CEP170B: variants seen among roughly 807,000 people sequenced by gnomAD.
CEP170B encodes centrosomal protein 170B.
A neutral mutation model predicts 120.6 loss-of-function variants in CEP170B; 55 were observed. The observed-to-expected ratio is 0.46, with a 90% CI of 0.37 to 0.57. CEP170B has a LOEUF of 0.57. Among genes scored for constraint, CEP170B ranks in the 20% least tolerant of loss-of-function variants. CEP170B has a pLI of 0.00. For synonymous variants in CEP170B, 1,033 were observed against 954.5 expected (o/e 1.08, Z -1.52); for missense variants, 2,212 against 2,253.3 (o/e 0.98, Z 0.37).
chr14:104,893,170 A>C (rs1434472498), intron 14 of CEP170B, 35 bp downstream of exon 14: 1 of 1,592,384 alleles, frequency 6.3e-7, no homozygotes, highest in South Asian at 1.1e-5. Flanking sequence ...CCTGTGCCAG[A>C]GCCACCCTCG....
intron 6 of CEP170B, 150 bp downstream of exon 6, chr14:104,880,575 C>G: frequency 8.5e-7 from 1 of 1,174,358 alleles, no homozygotes; most frequent in Non-Finnish European, 1.2e-6. Context: ...TACCCTTGCA[C>G]ATGCACACCC....
chr14:104,893,856 C>T lies in CEP170B; in HGVS notation c.4271+7C>T, dbSNP rs1193755514. On this transcript the variant is annotated splice_region_variant and intron_variant, in intron 16 of 18. Transcript: ENST00000414716. ...ACCTTGCCGAGAAGATGAAGTGAGT[C>T]GGCTTCCTGGCTGAGGTGGACGCCC... 4 of 1,609,646 alleles carry T rather than the reference C, an allele frequency of 2.5e-6. No homozygotes were observed. Among genetic ancestry groups the T allele is most frequent in the Admixed American group, 1.7e-5 (1 of 59,680 alleles).
Position 104,886,758 on chromosome 14 carries a change from C to T in CEP170B, c.2519C>T (p.Ala840Val), listed in dbSNP as rs541232618. The change falls in exon 12 of 19, where the codon GCC (alanine) becomes GTC (valine). Residue 840 changes from alanine to valine, a missense_variant. By Grantham distance (64) the Ala-to-Val change is moderately conservative (BLOSUM62 0). This residue lies in a region of CEP170B where 2,166 missense variants were observed against 2,166.7 expected (regional missense o/e 1.00). Coordinates refer to ENST00000414716, the MANE Select transcript of CEP170B (RefSeq NM_001112726.3). ...GCACGGGATGGCGTCTATGTCAGTG[C>T]CAATGGGAGAATGGTCATCCAGCTA... Reference protein sequence around the residue: ...PPARDGVYVSANGRMVIQLRP... With the variant: ...PPARDGVYVSVNGRMVIQLRP... 2 of 1,611,414 alleles carry T rather than the reference C, an allele frequency of 1.2e-6. No individual in the cohort carries two copies. Among genetic ancestry groups the T allele is most frequent in the Non-Finnish European group, 1.7e-6 (2 of 1,179,536 alleles).
At chr14:104,872,133 G>GCGTGTGTGTGC (rs1309550587) in intron 2 of CEP170B, among the ~76,000 whole-genome samples, 2 of 151,458 alleles carry the variant, frequency 1.3e-5, no homozygotes, top group African/African-American at 2.4e-5. Flanking sequence ...TCGTGTGTGT[G>GCGTGTGTGTGC]CGTGTGTGTG....
intron 3 of CEP170B, 64 bp from the exon 4 acceptor site, chr14:104,877,821 G>A (rs1895936277): frequency 1.5e-6 from 1 of 680,104 alleles, no homozygotes. Context: ...CCACCCTGCG[G>A]CCCTGCCCAC....
intron 14 of CEP170B, 146 bp from the exon 15 acceptor site, chr14:104,893,377 T>G: frequency 8.9e-7 from 1 of 1,127,680 alleles, no homozygotes; most frequent in Non-Finnish European, 1.2e-6. Flanking sequence ...GCTGCCTCCA[T>G]GGCGGGGCAG....
chr14:104,885,955 C>G, intron 10 of CEP170B, 85 bp from the exon 11 acceptor site: 2 of 1,248,870 alleles, frequency 1.6e-6, no homozygotes, highest in Admixed American at 2.7e-5. Context: ...GTTGGCTGCT[C>G]TGGACGCCCC....
In CEP170B at chr14:104,883,338, AGCG is replaced by A. The variant is rs1230571870; in HGVS notation, c.887_889del (p.Arg296del). On this transcript the variant is annotated inframe_deletion, in exon 8 of 19. Transcript: ENST00000414716. The stretch of plus-strand genomic sequence containing the variant: ...CATATCACCAAGTTTTCCCTGCGCC[AGCG>A]GCGGCCCCCGGGCAAGGAGGCCACA... The A allele has an allele frequency of 6.2e-7, 1 of 1,611,542 alleles. No homozygotes were observed. Among genetic ancestry groups the A allele is most frequent in the Non-Finnish European group, 8.5e-7 (1 of 1,179,558 alleles).
intron 5 of CEP170B, 34 bp downstream of exon 5, chr14:104,878,535 C>G: frequency 6.2e-7 from 1 of 1,602,714 alleles, no homozygotes; most frequent in Non-Finnish European, 8.5e-7. Flanking sequence ...GGCTCAGCCA[C>G]GAGGGCTCAG....
rs1256869441 is a variant in CEP170B, at chr14:104,883,947, A to G, written c.1168A>G (p.Ile390Val). ...GGAGCAGGTGCGGCTGCAGAGGCAG[A>G]TCAAGCGGGACCCCCAGGAGCTACT... Reference protein sequence around the residue: ...SGEQVRLQRQIKRDPQELLHN... With the variant: ...SGEQVRLQRQVKRDPQELLHN... Residue 390 changes from isoleucine to valine, a missense_variant, in exon 9 of 19, where the codon ATC becomes GTC. Ile to Val is a conservative substitution (Grantham distance 29). This residue lies in a region of CEP170B where 2,166 missense variants were observed against 2,166.7 expected (regional missense o/e 1.00). Coordinates refer to ENST00000414716, the MANE Select transcript of CEP170B (RefSeq NM_001112726.3). The G allele has an allele frequency of 6.2e-7, 1 of 1,606,122 alleles. No individual in the cohort carries two copies. Among genetic ancestry groups the G allele is most frequent in the Non-Finnish European group, 8.5e-7 (1 of 1,176,766 alleles).
At position 104,894,425 on chromosome 14, in the gene CEP170B, G is replaced by A. The variant is rs371568572; in HGVS notation, c.4365+47G>A. ...CCCTTGGCCTGCCCCCAGCCAGCCT[G>A]CCTTTGCCTGGCTGGCCCCAAACCT... On this transcript the variant is annotated intron_variant, in intron 17 of 18. Transcript: ENST00000414716. The A allele has an allele frequency of 5.3e-5, 85 of 1,604,772 alleles. No individual in the cohort carries two copies. The East Asian group carries it at 1.8e-3, about 34-fold the overall frequency.
rs578156812 is a variant in CEP170B, at chr14:104,868,979, C to T, written c.105+424C>T. ...GTCTATGCTGTGAGTGCTGCCTGAGCGGGGGTCCCAGTATCTTGGTCCCAG... is the reference window on the plus strand; with the variant it reads ...GTCTATGCTGTGAGTGCTGCCTGAGTGGGGGTCCCAGTATCTTGGTCCCAG... On this transcript the variant is annotated intron_variant, in intron 2 of 18. Coordinates refer to ENST00000414716, the MANE Select transcript of CEP170B (RefSeq NM_001112726.3). This position sits in a 1 kb window ranked among gnomAD's most constrained non-coding sequence, Gnocchi z 5.9. 2.6e-5 allele frequency among the ~76,000 whole-genome samples: 4 copies of T among 152,202 alleles called. No individual in the cohort carries two copies. Among genetic ancestry groups the T allele is most frequent in the East Asian group, 1.9e-4 (1 of 5,172 alleles).
At position 104,893,761 on chromosome 14, in the gene CEP170B, G is replaced by A. The variant is rs1188643246; in HGVS notation, c.4183G>A (p.Val1395Met). Residue 1395 changes from valine (V) to methionine (M), a missense_variant and splice_region_variant, in exon 16 of 19, where the codon GTG becomes ATG. Around this residue, in one of 2 missense-constraint regions of CEP170B, gnomAD observed 2,166 missense variants for 2,166.7 expected, o/e 1.00. Transcript: ENST00000414716. ...NKTRPRNREE[V>M]IFDNLMLNPV... is the part of the protein sequence containing the mutation. ...CCATGCTGAGGCCGGGCTCTTGCAG[G>A]TGATCTTCGATAACCTGATGCTGAA... 1 of 1,607,790 alleles carries A rather than the reference G, an allele frequency of 6.2e-7. No homozygotes were observed. Among genetic ancestry groups the A allele is most frequent in the South Asian group, 1.1e-5 (1 of 89,902 alleles).
chr14:104,869,186 T>C (rs1176064981), intron 2 of CEP170B, among the ~76,000 whole-genome samples: 1 of 152,092 alleles, frequency 6.6e-6, no homozygotes, highest in Non-Finnish European at 1.5e-5. Context: ...AGAGCAGGGG[T>C]GGTGAGCTAA....
Position 104,884,205 on chromosome 14 carries a change from C to T in CEP170B, c.1426C>T (p.Leu476=), listed in dbSNP as rs1896323750. 4.5e-6 allele frequency: 7 copies of T among 1,543,968 alleles called. No individual in the cohort carries two copies. The highest frequency in any genetic ancestry group is 2.4e-5 in the East Asian group (1 of 41,050). Residue 476 remains leucine (L), a synonymous_variant, in exon 9 of 19, where the codon CTG becomes TTG. Transcript: ENST00000414716. ...SLKREKTEER[L]GSPSPASRTP... Reference sequence around the variant, plus strand: ...CAAGCGGGAGAAGACAGAGGAACGGCTGGGCAGCCCCTCGCCCGCCTCCCG... The same window carrying T: ...CAAGCGGGAGAAGACAGAGGAACGGTTGGGCAGCCCCTCGCCCGCCTCCCG...
Position 104,884,467 on chromosome 14 carries a change from G to A in CEP170B, c.1688G>A (p.Ser563Asn), listed in dbSNP as rs1232772066. Reference sequence around the variant, plus strand: ...GCACGGAAACAGGAGGAGGACGACAGCCTCAGTGACGCAGGGACATACACC... The same window carrying A: ...GCACGGAAACAGGAGGAGGACGACAACCTCAGTGACGCAGGGACATACACC... ...TKARKQEEDD[S>N]LSDAGTYTIE... The change falls in exon 9 of 19, where the codon AGC becomes AAC. Residue 563 changes from serine (S) to asparagine (N), a missense_variant. Physicochemically the swap from Ser to Asn is conservative, Grantham distance 46 (BLOSUM62 1). This residue lies in a region of CEP170B where 2,166 missense variants were observed against 2,166.7 expected (regional missense o/e 1.00). Transcript: ENST00000414716. 6.4e-7 allele frequency: 1 copy of A among 1,560,834 alleles called. No homozygotes were observed. Among genetic ancestry groups the A allele is most frequent in the African/African-American group, 1.4e-5 (1 of 73,686 alleles).
chr14:104,882,811 C>T lies in CEP170B; in HGVS notation c.556C>T (p.Arg186Cys), dbSNP rs1354922891. The T allele has an allele frequency of 6.2e-6, 10 of 1,612,006 alleles. No homozygotes were observed. The highest frequency in any genetic ancestry group is 8.5e-6 in the Non-Finnish European group (10 of 1,179,578). Residue 186 changes from arginine (R) to cysteine (C), a missense_variant, in exon 7 of 19, where the codon CGC (arginine) becomes TGC (cysteine). Around this residue, in one of 2 missense-constraint regions of CEP170B, gnomAD observed 2,166 missense variants for 2,166.7 expected, o/e 1.00. Coordinates refer to ENST00000414716, the MANE Select transcript of CEP170B (RefSeq NM_001112726.3). ...DDGSTLPDAQ[R>C]QGEPYPERPK... is the part of the protein sequence containing the mutation. ...TGGTAGCACGCTGCCTGACGCCCAG[C>T]GCCAGGGAGAGCCCTACCCAGGTTG...
At position 104,884,422 on chromosome 14, in the gene CEP170B, C is replaced by A. The variant is rs951461065; in HGVS notation, c.1643C>A (p.Thr548Lys). 8 of 1,547,978 alleles carry A rather than the reference C, an allele frequency of 5.2e-6. No homozygotes were observed. Among genetic ancestry groups the A allele is most frequent in the Non-Finnish European group, 7.0e-6 (8 of 1,145,760 alleles). The change falls in exon 9 of 19, where the codon ACG (threonine) becomes AAG (lysine). Residue 548 changes from threonine to lysine, a missense_variant. Around this residue, in one of 2 missense-constraint regions of CEP170B, gnomAD observed 2,166 missense variants for 2,166.7 expected, o/e 1.00. Transcript: ENST00000414716. Reference sequence around the variant, plus strand: ...CCCCCGACCCCACCGCCCGCCCCCACGGACCCCCAGCTGACCAAGGCACGG... The same window carrying A: ...CCCCCGACCCCACCGCCCGCCCCCAAGGACCCCCAGCTGACCAAGGCACGG... ...VGPPTPPPAPTDPQLTKARKQ... is the reference protein window; with the variant it reads ...VGPPTPPPAPKDPQLTKARKQ...
chr14:104,893,569 C>T lies in CEP170B; in HGVS notation c.4085C>T (p.Pro1362Leu), dbSNP rs752112451. Residue 1362 changes from proline to leucine, a missense_variant, in exon 15 of 19, where the codon CCG (proline) becomes CTG (leucine). By Grantham distance (98) the Pro-to-Leu change is moderately conservative. Around this residue, in one of 2 missense-constraint regions of CEP170B, gnomAD observed 2,166 missense variants for 2,166.7 expected, o/e 1.00. Coordinates refer to ENST00000414716, the MANE Select transcript of CEP170B (RefSeq NM_001112726.3). Reference sequence around the variant, plus strand: ...GCCAGCCTCAACTTCCAGAAGGTGCCGCCCGGCTCGCTGAACTCTCGGGAC... The same window carrying T: ...GCCAGCCTCAACTTCCAGAAGGTGCTGCCCGGCTCGCTGAACTCTCGGGAC... ...PEASLNFQKVPPGSLNSRDFD... is the reference protein window; with the variant it reads ...PEASLNFQKVLPGSLNSRDFD... 27 of 1,604,584 alleles carry T rather than the reference C, an allele frequency of 1.7e-5. No homozygotes were observed. Among genetic ancestry groups the T allele is most frequent in the Admixed American group, 6.8e-5 (4 of 59,090 alleles).
Sources: allele counts gnomAD v4.1 joint callset (sites outside exome capture counted in the v4.1 genomes callset), GRCh38; gene constraint gnomAD v4.1.1; regional missense constraint gnomAD v4.1.1; non-coding constraint Gnocchi (gnomAD v3.1); transcripts MANE v1.5; gene names NCBI Gene and HGNC (gene_info 2026-07-23, HGNC 2026-07-21).